Variants in RAG1 observed in about 807,000 individuals in gnomAD.
RAG1 encodes V(D)J recombination-activating protein 1.
In RAG1, 35 loss-of-function variants were observed where a neutral mutation model predicts 62.7. The observed-to-expected ratio is 0.56, with a 90% CI of 0.43 to 0.74. The LOEUF (loss-of-function observed/expected upper bound fraction) is 0.74. Among genes scored for constraint, RAG1 ranks in the 30% least tolerant of loss-of-function variants. The pLI is 0.00. For synonymous variants in RAG1, 461 were observed against 470.3 expected, an observed-to-expected ratio of 0.98 and a Z score of 0.26; for missense variants, 1,169 against 1,278.6, an observed-to-expected ratio of 0.91 and a Z score of 1.31.
At chr11:36,528,313 C>A (rs893025175) in intron 2 of RAG1, among the ~76,000 whole-genome samples, 1 of 152,134 alleles carries the variant, frequency 6.6e-6, no homozygotes. Context: ...ACAATGCAAT[C>A]AAATTAGAAC....
intron 2 of RAG1, among the ~76,000 whole-genome samples, chr11:36,528,792 A>G (rs180966137): frequency 3.9e-5 from 6 of 152,260 alleles, no homozygotes; most frequent in Admixed American, 3.9e-4. Context: ...AATAGACACA[A>G]TAAAAAATGA....
downstream of RAG1, among the ~76,000 whole-genome samples, chr11:36,536,980 G>A (rs1216850956): frequency 1.3e-5 from 2 of 149,056 alleles, no homozygotes; most frequent in African/African-American, 2.5e-5. Context: ...GGATGGTCTC[G>A]ATCTCCTGAC....
rs141241656 is a variant in RAG1 at position 36,551,204 on chromosome 11, C to T, written c.-411-12181C>T. ...TTAGGTATTCTTCTAGCTGTATGTG[C>T]CTCAATGATAAGAAAGTGGCAGTTT... On this transcript the variant is annotated intron_variant and NMD_transcript_variant, in intron 3 of 9. Transcript: ENST00000534663. Among the ~76,000 whole-genome samples, 451 of 152,222 alleles carry T rather than the reference C, an allele frequency of 3.0e-3. 8 individuals carry two copies. Among genetic ancestry groups the T allele is most frequent in the East Asian group, 0.023 (119 of 5,182 alleles).
At chr11:36,567,030 T>G (rs2133286156), upstream of RAG1, among the ~76,000 whole-genome samples, 1 of 152,122 alleles carries the variant, frequency 6.6e-6, no homozygotes, top group South Asian at 2.1e-4. Flanking sequence ...TATAAAGGGG[T>G]TTTGAAACAG....
At chr11:36,516,607 C>G (rs1252303976) in intron 1 of RAG1, among the ~76,000 whole-genome samples, 2 of 152,354 alleles carry the variant, frequency 1.3e-5, no homozygotes, top group South Asian at 2.1e-4. Flanking sequence ...CTGGCGTGAG[C>G]CACCGCGCCC....
chr11:36,550,636 A>G (rs935683085), intron 3 of RAG1, among the ~76,000 whole-genome samples: 4 of 152,108 alleles, frequency 2.6e-5, no homozygotes, highest in African/African-American at 9.7e-5. Context: ...GTGAAGTTGG[A>G]GTTTATTTCA....
At position 36,574,297 on chromosome 11, in the gene RAG1, C is replaced by T. The variant is rs745645336; in HGVS notation, c.993C>T (p.Cys331=). 9 of 1,614,194 alleles carry T rather than the reference C, an allele frequency of 5.6e-6. No homozygotes were observed. In the Admixed American group the frequency reaches 1.2e-4, roughly 21 times the overall value. Residue 331 remains cysteine, a synonymous_variant, in exon 2 of 2, where the codon TGC becomes TGT. Transcript: ENST00000299440. Reference sequence around the variant, plus strand: ...TCATGGGCAGCTATTGTCCCTCTTGCCGATATCCATGCTTCCCTACTGACC... The same window carrying T: ...TCATGGGCAGCTATTGTCCCTCTTGTCGATATCCATGCTTCCCTACTGACC... ...LKVMGSYCPS[C]RYPCFPTDLE...
chr11:36,573,752 T>C lies in RAG1; in HGVS notation c.448T>C (p.Ser150Pro). 1 of 1,614,080 alleles carries C rather than the reference T, an allele frequency of 6.2e-7. No homozygotes were observed. The highest frequency in any genetic ancestry group is 8.5e-7 in the Non-Finnish European group (1 of 1,180,028). Residue 150 changes from serine (S) to proline (P), a missense_variant, in exon 2 of 2, where the codon TCC (serine) becomes CCC (proline). Around this residue, in one of 2 missense-constraint regions of RAG1, gnomAD observed 369 missense variants for 335.3 expected, o/e 1.10. Coordinates refer to ENST00000299440, the MANE Select transcript of RAG1 (RefSeq NM_000448.3). ...ACGAAAGAAGGAAAAGAGAGCTACT[T>C]CCTGGCCGGACCTCATTGCCAAGGT... ...LLRKKEKRAT[S>P]WPDLIAKVFR...
intron 3 of RAG1, among the ~76,000 whole-genome samples, chr11:36,542,878 T>C (rs539358199): frequency 8.4e-4 from 128 of 152,216 alleles, no homozygotes; most frequent in Non-Finnish European, 1.5e-3. Flanking sequence ...AAAAACCTTA[T>C]ATATAAAATT....
intron 3 of RAG1, among the ~76,000 whole-genome samples, chr11:36,543,586 G>A (rs1183173692): frequency 1.3e-5 from 2 of 152,158 alleles, no homozygotes; most frequent in African/African-American, 2.4e-5. Context: ...GCCCTTCTTG[G>A]AGGCACTTAC....
chr11:36,562,867 A>T (rs889667075), intron 3 of RAG1, among the ~76,000 whole-genome samples: 1 of 152,134 alleles, frequency 6.6e-6, no homozygotes, highest in Non-Finnish European at 1.5e-5. Context: ...AAGCCAGCAG[A>T]TTGTGGGACT....
rs765152071 is a variant in RAG1, at chr11:36,575,132, G to C, written c.1828G>C (p.Glu610Gln). ...ESCDGMGDVS[E>Q]KHGSGPVVPE... The stretch of plus-strand genomic sequence containing the variant: ...TTGTGATGGAATGGGAGACGTGAGT[G>C]AGAAGCATGGGAGTGGGCCTGTAGT... Residue 610 changes from glutamate (E) to glutamine (Q), a missense_variant, in exon 2 of 2, where the codon GAG (glutamate) becomes CAG (glutamine). Around this residue, in one of 2 missense-constraint regions of RAG1, gnomAD observed 800 missense variants for 943.3 expected, o/e 0.85. Coordinates refer to ENST00000299440, the MANE Select transcript of RAG1 (RefSeq NM_000448.3). This position sits in a 1 kb window ranked among gnomAD's most constrained non-coding sequence, Gnocchi z 4.1. 6 of 1,614,212 alleles carry C rather than the reference G, an allele frequency of 3.7e-6. No individual in the cohort carries two copies. Among genetic ancestry groups the C allele is most frequent in the Non-Finnish European group, 5.1e-6 (6 of 1,180,026 alleles).
At chr11:36,560,606 C>T (rs1357161737) in intron 3 of RAG1, among the ~76,000 whole-genome samples, 1 of 152,146 alleles carries the variant, frequency 6.6e-6, no homozygotes, top group Non-Finnish European at 1.5e-5. Flanking sequence ...GGGAAGAACC[C>T]AGCATGATTT....
At chr11:36,549,771 C>G (rs534425757) in intron 3 of RAG1, among the ~76,000 whole-genome samples, 37 of 152,214 alleles carry the variant, frequency 2.4e-4, no homozygotes, top group African/African-American at 7.9e-4. Context: ...TGAGTATATG[C>G]CCAAAGGATT....
intron 2 of RAG1, among the ~76,000 whole-genome samples, chr11:36,527,403 G>A (rs1860180671): frequency 6.6e-6 from 1 of 152,092 alleles, no homozygotes; most frequent in Admixed American, 6.6e-5. Context: ...TAGATATGTG[G>A]TGTTATTTCT....
upstream of RAG1, among the ~76,000 whole-genome samples, chr11:36,563,158 G>A (rs1011232105): frequency 6.6e-6 from 1 of 152,196 alleles, no homozygotes; most frequent in African/African-American, 2.4e-5. Context: ...CAGCTTGACT[G>A]GGCGAAGGGA....
intron 3 of RAG1, among the ~76,000 whole-genome samples, chr11:36,561,060 C>T (rs1850578329): frequency 6.6e-6 from 1 of 152,210 alleles, no homozygotes; most frequent in South Asian, 2.1e-4. Context: ...TATACTGTCT[C>T]CATCCTGCCA....
In RAG1 at chr11:36,575,049, G is replaced by A. The variant is rs770571840; in HGVS notation, c.1745G>A (p.Arg582Lys). 1.2e-6 allele frequency: 2 copies of A among 1,614,156 alleles called. No individual in the cohort carries two copies. Among genetic ancestry groups the A allele is most frequent in the South Asian group, 2.2e-5 (2 of 91,082 alleles). ...GAAGAAGACATCTTGGAAGGCATGA[G>A]ATCCCAAGACCTTGATGATTACCTG... Reference protein sequence around the residue: ...DMEEDILEGMRSQDLDDYLNG... With the variant: ...DMEEDILEGMKSQDLDDYLNG... The change falls in exon 2 of 2, where the codon AGA becomes AAA. Residue 582 changes from arginine (R) to lysine (K), a missense_variant. This residue lies in a region of RAG1 where 800 missense variants were observed against 943.3 expected (regional missense o/e 0.85). Transcript: ENST00000299440. This position sits in a 1 kb window ranked among gnomAD's most constrained non-coding sequence, Gnocchi z 4.1.
rs141950992 is a variant in RAG1, at chr11:36,516,514, G to T, written n.331-3618G>T. 3.7e-3 allele frequency among the ~76,000 whole-genome samples: 557 copies of T among 152,282 alleles called. 7 individuals are homozygous for T. Among genetic ancestry groups the T allele is most frequent in the African/African-American group, 0.013 (520 of 41,564 alleles). On this transcript the variant is annotated intron_variant and non_coding_transcript_variant, in intron 1 of 2. Transcript: ENST00000529126. The stretch of plus-strand genomic sequence containing the variant: ...TTTTTTTGTATTTTTAGTAGAGACG[G>T]AGTTTCACCGTGTTAGCCAGGATGG...
Sources: gnomAD v4.1 joint callset for allele counts (sites outside exome capture counted in the v4.1 genomes callset) on GRCh38, gnomAD v4.1.1 for gene constraint, gnomAD v4.1.1 regional missense constraint, Gnocchi (gnomAD v3.1) non-coding constraint, MANE v1.5 for transcripts, NCBI Gene and HGNC (gene_info 2026-07-23, HGNC 2026-07-21) for gene names.